The following LRRTM4 variants were observed in gnomAD, a reference collection of about 807,000 sequenced individuals.
The protein encoded by LRRTM4 is leucine rich repeat transmembrane neuronal 4, also known as leucine-rich repeat transmembrane neuronal protein 4.
A neutral mutation model predicts 47.6 loss-of-function variants in LRRTM4; 25 were observed. The ratio of observed to expected loss-of-function variants is 0.53; its 90% CI spans 0.38 to 0.73. LRRTM4 has a LOEUF of 0.73. LRRTM4 is among the 30% of genes least tolerant of loss of function. LRRTM4 has a pLI of 0.00. For missense variants in LRRTM4, 638 were observed against 713.4 expected (o/e 0.89, Z 1.20); for synonymous variants, 311 against 269.5 (o/e 1.15, Z -1.51).
chr2:77,004,665 C>A (rs1200037031), intron 3 of LRRTM4, among the ~76,000 whole-genome samples: 1 of 152,114 alleles, frequency 6.6e-6, no homozygotes, highest in African/African-American at 2.4e-5. Flanking sequence ...GGGCCACCGT[C>A]CTCCAGACCC....
At chr2:76,909,164 G>T (rs1673958405) in intron 3 of LRRTM4, among the ~76,000 whole-genome samples, 3 of 152,166 alleles carry the variant, frequency 2.0e-5, no homozygotes, top group Non-Finnish European at 4.4e-5. Context: ...CAATGGAACA[G>T]AACAGAGCCC....
chr2:77,442,689 T>C (rs887956697), intron 3 of LRRTM4, among the ~76,000 whole-genome samples: 1 of 152,222 alleles, frequency 6.6e-6, no homozygotes, highest in Non-Finnish European at 1.5e-5. Flanking sequence ...CTGTCTATGT[T>C]TCAGGTCCTA....
At chr2:77,386,564 A>T (rs1673283504) in intron 3 of LRRTM4, among the ~76,000 whole-genome samples, 1 of 152,188 alleles carries the variant, frequency 6.6e-6, no homozygotes, top group Non-Finnish European at 1.5e-5. Flanking sequence ...CAGTGCTGCA[A>T]TAAACATACA....
At chr2:76,947,007 T>C (rs1302109464) in intron 3 of LRRTM4, among the ~76,000 whole-genome samples, 1 of 151,746 alleles carries the variant, frequency 6.6e-6, no homozygotes, top group Non-Finnish European at 1.5e-5. Flanking sequence ...AAGAGAATAA[T>C]TATAGAACCA....
chr2:76,916,384 C>CAAAAA (rs57874749), intron 3 of LRRTM4, among the ~76,000 whole-genome samples: 1,291 of 50,724 alleles, frequency 0.025, 43 homozygotes, highest in African/African-American at 0.038. Flanking sequence ...GACTGTGTCT[C>CAAAAA]AAAAAAAAAA....
At chr2:77,031,742 C>T (rs531386291) in intron 3 of LRRTM4, among the ~76,000 whole-genome samples, 3 of 151,812 alleles carry the variant, frequency 2.0e-5, no homozygotes, top group East Asian at 1.9e-4. Context: ...TTTGTGTGTG[C>T]GTGTGTGTGA....
At chr2:76,795,810 G>T (rs899104635) in intron 3 of LRRTM4, among the ~76,000 whole-genome samples, 1 of 151,878 alleles carries the variant, frequency 6.6e-6, no homozygotes, top group Non-Finnish European at 1.5e-5. Flanking sequence ...GTGAAGGGAG[G>T]AGCCAAGATG....
chr2:76,978,078 G>A (rs1236947217), intron 3 of LRRTM4, among the ~76,000 whole-genome samples: 1 of 151,956 alleles, frequency 6.6e-6, no homozygotes, highest in African/African-American at 2.4e-5. Context: ...TATGTTATCT[G>A]GCTCTGCTCA....
intron 3 of LRRTM4, among the ~76,000 whole-genome samples, chr2:76,974,174 A>G (rs1385702847): frequency 9.1e-5 from 7 of 77,056 alleles, no homozygotes; most frequent in Admixed American, 8.2e-4. Context: ...ATATACATAC[A>G]TATATATACA....
At chr2:76,957,226 G>A (rs2103902116) in intron 3 of LRRTM4, among the ~76,000 whole-genome samples, 1 of 151,770 alleles carries the variant, frequency 6.6e-6, no homozygotes, top group East Asian at 2.0e-4. Context: ...CTTAGAACCA[G>A]ATGTAGAATA....
chr2:76,922,592 A>G (rs1189003521), intron 3 of LRRTM4, among the ~76,000 whole-genome samples: 1 of 152,076 alleles, frequency 6.6e-6, no homozygotes, highest in Non-Finnish European at 1.5e-5. Context: ...ATAGAAGCAG[A>G]AAGTGGATTG....
intron 3 of LRRTM4, among the ~76,000 whole-genome samples, chr2:77,004,946 A>G (rs904486207): frequency 5.3e-5 from 8 of 152,104 alleles, no homozygotes; most frequent in African/African-American, 1.9e-4. Flanking sequence ...TGGCCAACTT[A>G]TCTCATTTGG....
intron 3 of LRRTM4, among the ~76,000 whole-genome samples, chr2:77,468,613 C>T (rs1189401590): frequency 6.6e-6 from 1 of 152,184 alleles, no homozygotes; most frequent in Non-Finnish European, 1.5e-5. Context: ...ACGGTGAATG[C>T]CAGCACAGGC....
At chr2:77,102,055 C>G (rs573250489) in intron 3 of LRRTM4, among the ~76,000 whole-genome samples, 18 of 152,304 alleles carry the variant, frequency 1.2e-4, no homozygotes, top group African/African-American at 4.3e-4. Flanking sequence ...CAGTTACTAT[C>G]TGTGTGTGCT....
chr2:76,976,285 G>C (rs1488261808), intron 3 of LRRTM4, among the ~76,000 whole-genome samples: 2 of 151,546 alleles, frequency 1.3e-5, no homozygotes, highest in Non-Finnish European at 1.5e-5. Context: ...ATAGTATCAA[G>C]AGAGTAAATA....
At chr2:77,238,770 C>G (rs1675180179) in intron 3 of LRRTM4, among the ~76,000 whole-genome samples, 1 of 151,760 alleles carries the variant, frequency 6.6e-6, no homozygotes. Flanking sequence ...CATAAAAGAA[C>G]TATGCAAACC....
At chr2:77,215,856 G>C (rs933358023) in intron 3 of LRRTM4, among the ~76,000 whole-genome samples, 4 of 152,130 alleles carry the variant, frequency 2.6e-5, no homozygotes, top group Admixed American at 6.5e-5. Flanking sequence ...GTCTTAATTA[G>C]TGAAGTCTGT....
chr2:76,855,843 CT>C (rs1477425095), intron 3 of LRRTM4, among the ~76,000 whole-genome samples: 1 of 151,960 alleles, frequency 6.6e-6, no homozygotes, highest in Non-Finnish European at 1.5e-5. Context: ...ACAAATAACG[CT>C]GTTATTGAAG....
At chr2:77,004,472 T>G (rs115184962) in intron 3 of LRRTM4, among the ~76,000 whole-genome samples, 1,861 of 152,248 alleles carry the variant, frequency 0.012, 40 homozygotes, top group African/African-American at 0.043. Context: ...AATTGAGGTT[T>G]GTGAACCTTT....
Sources: gnomAD v4.1 joint callset for allele counts (sites outside exome capture counted in the v4.1 genomes callset) on GRCh38, gnomAD v4.1.1 for gene constraint, MANE v1.5 for transcripts, NCBI Gene and HGNC (gene_info 2026-07-23, HGNC 2026-07-21) for gene names.